The following RBFOX1 variants were observed in gnomAD, a reference collection of about 807,000 sequenced individuals.
The protein encoded by RBFOX1 is RNA binding protein fox-1 homolog 1.
Under a neutral mutation model 57.7 loss-of-function variants are expected in RBFOX1, and 8 were observed. The ratio of observed to expected loss-of-function variants is 0.14; its 90% confidence interval spans 0.08 to 0.25. The LOEUF is 0.25. Among genes scored for constraint, RBFOX1 ranks in the 10% least tolerant of loss-of-function variants. The pLI is 1.00. For missense variants in RBFOX1, 611 were observed against 548.5 expected (o/e 1.11, Z -1.14); for synonymous variants, 326 against 222.4 (o/e 1.47, Z -4.15).
At chr16:6,996,435 TTATATC>T (rs1411055773) in intron 3 of RBFOX1, among the ~76,000 whole-genome samples, 1 of 152,134 alleles carries the variant, frequency 6.6e-6, no homozygotes, top group Non-Finnish European at 1.5e-5. Flanking sequence ...CTAGATGTGT[TTATATC>T]TAGATTGATA....
chr16:6,480,722 T>A (rs1015813892), intron 2 of RBFOX1, among the ~76,000 whole-genome samples: 30 of 152,328 alleles, frequency 2.0e-4, no homozygotes, highest in African/African-American at 7.0e-4. Context: ...AGTGTAGAAG[T>A]CATTTAAAAC....
chr16:7,470,957 T>G lies in RBFOX1; in HGVS notation c.28-47190T>G, dbSNP rs1251126827. ...ATTTTTATTTAGTGTTTCAGTAAAT[T>G]AAATCAATGACAGTCTTTTCCATGA... On this transcript the variant is annotated intron_variant, in intron 4 of 15. Transcript: ENST00000550418. Among the ~76,000 whole-genome samples, 3 of 152,138 alleles carry G rather than the reference T, an allele frequency of 2.0e-5. No individual in the cohort carries two copies. In the East Asian group the frequency reaches 5.8e-4, roughly 29 times the overall value.
chr16:5,270,507 C>A, intron 1 of RBFOX1: 3 of 666,476 alleles, frequency 4.5e-6, no homozygotes, highest in South Asian at 4.4e-5. Flanking sequence ...AAAATATGTT[C>A]CATGGTTGAA....
At chr16:5,884,559 A>G (rs2057850098) in intron 4 of RBFOX1, among the ~76,000 whole-genome samples, 1 of 151,150 alleles carries the variant, frequency 6.6e-6, no homozygotes, top group South Asian at 2.1e-4. Flanking sequence ...AGTTCTGCCC[A>G]ATGGAAGGTG....
chr16:5,425,379 C>T (rs886306290), intron 1 of RBFOX1, among the ~76,000 whole-genome samples: 10 of 152,140 alleles, frequency 6.6e-5, no homozygotes, highest in African/African-American at 2.4e-4. Flanking sequence ...GCTGGGATTA[C>T]AGGCATGAGC....
At chr16:5,994,469 C>T (rs927635476) in intron 4 of RBFOX1, among the ~76,000 whole-genome samples, 13 of 152,118 alleles carry the variant, frequency 8.5e-5, no homozygotes, top group Admixed American at 2.0e-4. Flanking sequence ...GGCATTAGGT[C>T]TTGAGCAAAC....
intron 1 of RBFOX1, among the ~76,000 whole-genome samples, chr16:5,266,746 G>C (rs373770253): frequency 1.3e-5 from 2 of 151,610 alleles, no homozygotes; most frequent in South Asian, 2.1e-4. Flanking sequence ...TTGCAGAGAG[G>C]GGGGGTCTCA....
intron 4 of RBFOX1, among the ~76,000 whole-genome samples, chr16:7,178,250 A>G (rs956300518): frequency 3.6e-4 from 55 of 152,348 alleles, no homozygotes; most frequent in African/African-American, 1.3e-3. Context: ...TGTCAGAGGC[A>G]CTATCAGCCT....
At chr16:5,736,815 C>T (rs879576420) in intron 3 of RBFOX1, among the ~76,000 whole-genome samples, 1 of 151,298 alleles carries the variant, frequency 6.6e-6, no homozygotes, top group African/African-American at 2.4e-5. Flanking sequence ...GTCTCTTTTT[C>T]ATTCTTTTTT....
intron 1 of RBFOX1, among the ~76,000 whole-genome samples, chr16:6,071,278 A>C (rs959432922): frequency 3.3e-5 from 5 of 152,178 alleles, no homozygotes; most frequent in East Asian, 3.9e-4. Context: ...CTGAGATTGC[A>C]CCATTGCACT....
chr16:7,122,632 C>T (rs548190672), intron 4 of RBFOX1, among the ~76,000 whole-genome samples: 62 of 152,192 alleles, frequency 4.1e-4, no homozygotes, highest in African/African-American at 1.3e-3. Flanking sequence ...GAACATAGAA[C>T]AATGCAGACA....
intron 2 of RBFOX1, among the ~76,000 whole-genome samples, chr16:6,400,507 G>A (rs1305035736): frequency 6.6e-6 from 1 of 152,106 alleles, no homozygotes; most frequent in Non-Finnish European, 1.5e-5. Context: ...GATTTAAAGT[G>A]AATAATCCAA....
chr16:6,674,795 A>T (rs1343476656), intron 3 of RBFOX1, among the ~76,000 whole-genome samples: 4 of 152,222 alleles, frequency 2.6e-5, no homozygotes, highest in Non-Finnish European at 5.9e-5. Flanking sequence ...TCTTTCCTAG[A>T]GTCCCCAGAG....
At chr16:7,019,400 G>A (rs935664246) in intron 3 of RBFOX1, among the ~76,000 whole-genome samples, 1 of 152,148 alleles carries the variant, frequency 6.6e-6, no homozygotes, top group Non-Finnish European at 1.5e-5. Context: ...GTGTGTGTTT[G>A]TGTGAGTGGG....
chr16:6,533,734 T>C (rs1193829377), intron 2 of RBFOX1, among the ~76,000 whole-genome samples: 1 of 152,108 alleles, frequency 6.6e-6, no homozygotes, highest in African/African-American at 2.4e-5. Context: ...TAACTGAAGA[T>C]AGGTTGCAGA....
intron 4 of RBFOX1, among the ~76,000 whole-genome samples, chr16:5,879,840 C>G (rs544373224): frequency 6.6e-6 from 1 of 152,296 alleles, no homozygotes; most frequent in African/African-American, 2.4e-5. Flanking sequence ...CATACCTCCA[C>G]TATCACTCTG....
At chr16:5,793,120 C>G (rs1355801529) in intron 3 of RBFOX1, among the ~76,000 whole-genome samples, 4 of 152,160 alleles carry the variant, frequency 2.6e-5, no homozygotes, top group African/African-American at 4.8e-5. Flanking sequence ...GGTAGGGAAC[C>G]CACATGTCTC....
intron 3 of RBFOX1, among the ~76,000 whole-genome samples, chr16:5,761,118 G>T (rs1203098366): frequency 1.3e-5 from 2 of 152,160 alleles, no homozygotes; most frequent in East Asian, 3.9e-4. Context: ...TCACAGAAAA[G>T]ATGAAGGGGT....
chr16:5,639,605 C>T (rs929812343), intron 3 of RBFOX1, among the ~76,000 whole-genome samples: 10 of 152,196 alleles, frequency 6.6e-5, no homozygotes, highest in Admixed American at 6.5e-5. Context: ...TCCTGAACAT[C>T]AAGTGGCAGG....
Sources: gnomAD v4.1 joint callset for allele counts (sites outside exome capture counted in the v4.1 genomes callset) on GRCh38, gnomAD v4.1.1 for gene constraint, MANE v1.5 for transcripts, NCBI Gene and HGNC (gene_info 2026-07-23, HGNC 2026-07-21) for gene names.